Variants in WDSUB1 observed in about 807,000 individuals in gnomAD.
WDSUB1 encodes WD repeat, sterile alpha motif and U-box domain containing 1.
In WDSUB1, 49 loss-of-function variants were observed where a neutral mutation model predicts 53.9. That is an observed-to-expected ratio of 0.91 (90% CI 0.72 to 1.15). The LOEUF (loss-of-function observed/expected upper bound fraction) is 1.15, where lower values mean the gene tolerates loss of function less well. Ranked by LOEUF, WDSUB1 falls within the 50% of genes most tolerant of loss-of-function variation. The pLI, the probability that WDSUB1 is intolerant of heterozygous loss-of-function variation, is 0.00. For missense variants in WDSUB1, 514 were observed against 562.0 expected (o/e 0.91, Z 0.86); for synonymous variants, 194 against 200.6 (o/e 0.97, Z 0.28).
intron 5 of WDSUB1, 152 bp from the exon 6 acceptor site, chr2:159,259,995 A>C: frequency 1.1e-6 from 1 of 930,716 alleles, no homozygotes. Flanking sequence ...CATATGCATG[A>C]AAACTTTAAT....
At chr2:159,279,112 T>A (rs2061600588) in intron 3 of WDSUB1, among the ~76,000 whole-genome samples, 1 of 152,218 alleles carries the variant, frequency 6.6e-6, no homozygotes, top group South Asian at 2.1e-4. Flanking sequence ...CTAAGTGGCT[T>A]GCATTACGTT....
chr2:159,247,892 T>TATATATATATATATAA (rs1474982516), intron 10 of WDSUB1, among the ~76,000 whole-genome samples: 28 of 28,318 alleles, frequency 9.9e-4, no homozygotes, highest in African/African-American at 2.0e-3. Context: ...AATAAATATA[T>TATATATATATATATAA]ATATATATAT....
At chr2:159,256,161 T>C in intron 9 of WDSUB1, 35 bp downstream of exon 9, 1 of 1,560,326 alleles carries the variant, frequency 6.4e-7, no homozygotes. Context: ...TGGTAAAAGT[T>C]GTTTTGAAGA....
chr2:159,282,612 GTTT>G, intron 2 of WDSUB1, 57 bp downstream of exon 2: 1 of 1,534,226 alleles, frequency 6.5e-7, no homozygotes, highest in Non-Finnish European at 8.8e-7. Flanking sequence ...TTTGCTTTCA[GTTT>G]TTTTTAAGTA....
chr2:159,278,397 C>T (rs1010755543), intron 3 of WDSUB1, among the ~76,000 whole-genome samples: 3 of 152,030 alleles, frequency 2.0e-5, no homozygotes, highest in East Asian at 1.9e-4. Context: ...GTATCAGGCA[C>T]GATGAAGAAA....
intron 3 of WDSUB1, among the ~76,000 whole-genome samples, chr2:159,278,387 G>C (rs1018106568): frequency 2.6e-5 from 4 of 152,178 alleles, no homozygotes; most frequent in African/African-American, 9.7e-5. Flanking sequence ...GGCCTACTCT[G>C]TATCAGGCAC....
At chr2:159,256,730 T>C (rs2061071816) in intron 8 of WDSUB1, among the ~76,000 whole-genome samples, 1 of 152,250 alleles carries the variant, frequency 6.6e-6, no homozygotes, top group Non-Finnish European at 1.5e-5. Context: ...ATCATCTGCA[T>C]ATCAGCACCA....
At chr2:159,285,983 C>A (rs73968314) in intron 1 of WDSUB1, among the ~76,000 whole-genome samples, 4,339 of 152,172 alleles carry the variant, frequency 0.029, 193 homozygotes, top group African/African-American at 0.094. Context: ...GCACTCAGCT[C>A]CCTTTGCAAG....
At chr2:159,254,175 G>C (rs930702170) in intron 9 of WDSUB1, among the ~76,000 whole-genome samples, 2 of 152,186 alleles carry the variant, frequency 1.3e-5, no homozygotes, top group African/African-American at 4.8e-5. Context: ...ACTGAACTTT[G>C]AAGTAAAATG....
rs373992474 is a variant in WDSUB1 at position 159,282,522 on chromosome 2, A to G, written c.398+150T>C. 2.7e-5 allele frequency: 24 copies of G among 892,898 alleles called. No individual in the cohort carries two copies. In the East Asian group the frequency reaches 4.3e-4, roughly 16 times the overall value. The allele number at this position is 892,898 out of a possible 1,614,324, so 55.3% of individuals were successfully genotyped here. ...AAAATATTTTTCCTTGTGCTACCTG[A>G]AAACTATTGGCTTCCTAGGGTCATC... On this transcript the variant is annotated intron_variant, in intron 2 of 10. Transcript: ENST00000359774.
chr2:159,282,785 A>G lies in WDSUB1; in HGVS notation c.285T>C (p.Pro95=). The G allele has an allele frequency of 6.2e-7, 1 of 1,614,204 alleles. No individual in the cohort carries two copies. ...NGQMLAVMEQ[P]SGSPVRVCQF... ...GGCAAACCCTCACAGGGCTGCCACT[A>G]GGCTGTTCCATCACTGCCAGCATCT... The change falls in exon 2 of 11, where the codon CCT becomes CCC. Residue 95 remains proline (P), a synonymous_variant. Transcript: ENST00000359774.
At chr2:159,261,699 G>C (rs1169665064) in intron 5 of WDSUB1, among the ~76,000 whole-genome samples, 1 of 151,238 alleles carries the variant, frequency 6.6e-6, no homozygotes, top group Non-Finnish European at 1.5e-5. Context: ...ATTTGAAAAA[G>C]TATCCACACA....
At chr2:159,262,528 C>A (rs201253544) in intron 5 of WDSUB1, among the ~76,000 whole-genome samples, 13 of 148,468 alleles carry the variant, frequency 8.8e-5, no homozygotes, top group Admixed American at 4.0e-4. Flanking sequence ...GAAAAAAAAA[C>A]AAAAAACGAA....
At chr2:159,264,770 C>G (rs1036483042) in intron 5 of WDSUB1, among the ~76,000 whole-genome samples, 1 of 152,110 alleles carries the variant, frequency 6.6e-6, no homozygotes, top group Admixed American at 6.5e-5. Flanking sequence ...GTATTGCCCT[C>G]TCATTGGTTT....
chr2:159,247,924 T>TAA (rs1475308960), intron 10 of WDSUB1, among the ~76,000 whole-genome samples: 3,106 of 74,618 alleles, frequency 0.042, 150 homozygotes, highest in African/African-American at 0.11. Flanking sequence ...TATATATATA[T>TAA]ATAAATATAT....
At chr2:159,269,271 A>G (rs892013166) in intron 5 of WDSUB1, among the ~76,000 whole-genome samples, 4 of 150,550 alleles carry the variant, frequency 2.7e-5, no homozygotes, top group African/African-American at 4.9e-5. Flanking sequence ...CTTGGGTTCA[A>G]GCAACTCTCC....
intron 5 of WDSUB1, among the ~76,000 whole-genome samples, chr2:159,261,884 ATATATATATATATTTTTTTTTTTTTT>A (rs1423850034): frequency 7.9e-3 from 153 of 19,414 alleles, no homozygotes; most frequent in Admixed American, 0.01. Context: ...ATATATATAT[ATATATATATATATTTTTTTTTTTTTT>A]TTTTTTTTTT....
intron 5 of WDSUB1, among the ~76,000 whole-genome samples, chr2:159,261,884 ATATATATATATATTTTTTTTTTTTTTTT>A (rs1476523323): frequency 0.048 from 954 of 19,754 alleles, 38 homozygotes; most frequent in Middle Eastern, 0.071. Flanking sequence ...ATATATATAT[ATATATATATATATTTTTTTTTTTTTTTT>A]TTTTTTTTTT....
intron 8 of WDSUB1, among the ~76,000 whole-genome samples, 186 bp from the exon 9 acceptor site, chr2:159,256,561 T>G (rs2061067189): frequency 6.7e-6 from 1 of 150,228 alleles, no homozygotes; most frequent in Non-Finnish European, 1.5e-5. Context: ...AGTCAGGAGT[T>G]CAAGACCGGC....
Sources: allele counts gnomAD v4.1 joint callset (sites outside exome capture counted in the v4.1 genomes callset), GRCh38; gene constraint gnomAD v4.1.1; transcripts MANE v1.5; gene names NCBI Gene and HGNC (gene_info 2026-07-23, HGNC 2026-07-21).